CMYA5: variants seen among roughly 807,000 people sequenced by gnomAD.
CMYA5 encodes the protein cardiomyopathy associated 5, also known as cardiomyopathy-associated protein 5.
In CMYA5, 246 loss-of-function variants were observed where a neutral mutation model predicts 318.9. The ratio of observed to expected loss-of-function variants is 0.77; its 90% confidence interval spans 0.70 to 0.86. The LOEUF is 0.86. Ranked by LOEUF, CMYA5 falls within the 40% of genes least tolerant of loss-of-function variation. The probability of loss-of-function intolerance (pLI) is 0.00; values close to 1 mark genes in which losing one functional copy is unlikely to be tolerated. For missense variants in CMYA5, 4,589 were observed against 4,678.2 expected (o/e 0.98, Z 0.56); for synonymous variants, 1,641 against 1,729.5 (o/e 0.95, Z 1.27).
At chr5:79,721,623 T>G (rs1055315291) in intron 1 of CMYA5, among the ~76,000 whole-genome samples, 1 of 152,194 alleles carries the variant, frequency 6.6e-6, no homozygotes, top group African/African-American at 2.4e-5. Context: ...TATATATGGA[T>G]GGATAATGCA....
intron 10 of CMYA5, among the ~76,000 whole-genome samples, chr5:79,789,658 C>T (rs1829141138): frequency 6.6e-6 from 1 of 152,050 alleles, no homozygotes; most frequent in African/African-American, 2.4e-5. Flanking sequence ...GTCCTGACCT[C>T]AGGTGATCTG....
At chr5:79,718,334 A>G (rs1168344379) in intron 1 of CMYA5, among the ~76,000 whole-genome samples, 3 of 152,188 alleles carry the variant, frequency 2.0e-5, no homozygotes, top group Non-Finnish European at 4.4e-5. Flanking sequence ...TAAAAGACTC[A>G]TATAAAACAC....
At chr5:79,775,107 G>T (rs555122071) in intron 9 of CMYA5, among the ~76,000 whole-genome samples, 2 of 152,318 alleles carry the variant, frequency 1.3e-5, no homozygotes, top group East Asian at 3.9e-4. Context: ...ATCTGTATGT[G>T]AAATTGTTTT....
At position 79,736,055 on chromosome 5, in the gene CMYA5, G is replaced by A; in HGVS notation, c.7290G>A (p.Lys2430=). 1 of 1,612,104 alleles carries A rather than the reference G, an allele frequency of 6.2e-7. No individual in the cohort carries two copies. The highest frequency in any genetic ancestry group is 8.5e-7 in the Non-Finnish European group (1 of 1,179,430). The change falls in exon 2 of 13, where the codon AAG becomes AAA. Residue 2430 remains lysine (K), a synonymous_variant. Transcript: ENST00000446378. ...SLIDFSEDRL[K]KEMQNPTSLK... ...TTGATTTCAGTGAAGACAGACTCAA[G>A]AAAGAAATGCAAAATCCTACTTCCT... is the stretch of plus-strand genomic sequence containing the variant.
Position 79,730,763 on chromosome 5 carries a change from T to A in CMYA5, c.1998T>A (p.Ser666=), listed in dbSNP as rs763832790. The A allele has an allele frequency of 1.2e-5, 20 of 1,613,174 alleles. No homozygotes were observed. The highest frequency in any genetic ancestry group is 1.6e-4 in the Middle Eastern group (1 of 6,080). Residue 666 remains serine (S), a synonymous_variant, in exon 2 of 13, where the codon TCT becomes TCA. Coordinates refer to ENST00000446378, the MANE Select transcript of CMYA5 (RefSeq NM_153610.5). The stretch of plus-strand genomic sequence containing the variant: ...CTGAGAAGACTTCAGAGAACCAGTC[T>A]CCACTGTTTTCAACAGTTACACCAG... ...STTEKTSENQ[S]PLFSTVTPEY...
At chr5:79,710,712 T>C (rs1289625332) in intron 1 of CMYA5, among the ~76,000 whole-genome samples, 1 of 152,182 alleles carries the variant, frequency 6.6e-6, no homozygotes, top group Non-Finnish European at 1.5e-5. Context: ...ATTTTTTATT[T>C]TTACAGGTAG....
chr5:79,742,928 A>T (rs569951466), intron 2 of CMYA5, among the ~76,000 whole-genome samples: 47 of 152,182 alleles, frequency 3.1e-4, no homozygotes, highest in Non-Finnish European at 2.5e-4. Flanking sequence ...TTTAAATGAG[A>T]TAGAGCTCTT....
At chr5:79,739,960 G>T (rs1828177897) in intron 2 of CMYA5, among the ~76,000 whole-genome samples, 1 of 151,736 alleles carries the variant, frequency 6.6e-6, no homozygotes, top group Non-Finnish European at 1.5e-5. Context: ...TCCACTCTAG[G>T]TGACAGAGTG....
intron 1 of CMYA5, among the ~76,000 whole-genome samples, chr5:79,698,492 T>A (rs1022606720): frequency 2.6e-5 from 4 of 152,176 alleles, no homozygotes; most frequent in Admixed American, 6.6e-5. Context: ...CTCAAGCCAC[T>A]GTGCCATTTT....
At chr5:79,714,431 CTTTTTTT>C (rs71615553) in intron 1 of CMYA5, among the ~76,000 whole-genome samples, 8 of 100,678 alleles carry the variant, frequency 7.9e-5, no homozygotes, top group South Asian at 3.3e-4. Flanking sequence ...TTTTCTTTTT[CTTTTTTT>C]TTTTTTTTTT....
chr5:79,752,862 A>ATC, intron 6 of CMYA5, 68 bp downstream of exon 6: 1 of 1,081,410 alleles, frequency 9.2e-7, no homozygotes, highest in Non-Finnish European at 1.4e-6. Flanking sequence ...TTTTGTATGT[A>ATC]ATGATATATA....
At chr5:79,727,921 C>A (rs1267097629) in intron 1 of CMYA5, among the ~76,000 whole-genome samples, 1 of 152,204 alleles carries the variant, frequency 6.6e-6, no homozygotes, top group Non-Finnish European at 1.5e-5. Flanking sequence ...GTAGCAGCTG[C>A]AAGTGATCAT....
intron 12 of CMYA5, among the ~76,000 whole-genome samples, chr5:79,796,981 T>C (rs755771773): frequency 2.0e-5 from 3 of 152,218 alleles, no homozygotes; most frequent in Non-Finnish European, 4.4e-5. Context: ...TTTATTCAAA[T>C]GTAAGAATAC....
At chr5:79,695,350 A>AT (rs1827047464) in intron 1 of CMYA5, among the ~76,000 whole-genome samples, 1 of 152,242 alleles carries the variant, frequency 6.6e-6, no homozygotes, top group Admixed American at 6.5e-5. Context: ...AGTGACATGA[A>AT]TTTTAGTAAT....
intron 1 of CMYA5, among the ~76,000 whole-genome samples, chr5:79,713,970 A>G (rs1019799983): frequency 1.1e-4 from 16 of 152,190 alleles, no homozygotes; most frequent in Non-Finnish European, 1.5e-4. Flanking sequence ...TTGGCTGTTA[A>G]TAACAAGTCT....
At chr5:79,785,477 G>A (rs1329616363) in intron 9 of CMYA5, among the ~76,000 whole-genome samples, 2 of 151,816 alleles carry the variant, frequency 1.3e-5, no homozygotes, top group Non-Finnish European at 2.9e-5. Flanking sequence ...TCCCTCAGTA[G>A]CATCTTAAAA....
intron 9 of CMYA5, among the ~76,000 whole-genome samples, chr5:79,788,124 C>T (rs1423981071): frequency 6.6e-6 from 1 of 152,116 alleles, no homozygotes; most frequent in Non-Finnish European, 1.5e-5. Context: ...CTCTCCAGCA[C>T]CCAGGTTAGG....
chr5:79,730,327 C>T lies in CMYA5; in HGVS notation c.1562C>T (p.Pro521Leu), dbSNP rs539868959. Residue 521 changes from proline (P) to leucine (L), a missense_variant, in exon 2 of 13, where the codon CCT (proline) becomes CTT (leucine). Pro to Leu is a moderately conservative substitution (Grantham distance 98, BLOSUM62 -3). This residue lies in a region of CMYA5 where 2,132 missense variants were observed against 2,131.3 expected (regional missense o/e 1.00). Transcript: ENST00000446378. The stretch of plus-strand genomic sequence containing the variant: ...CTACCCATAGCTATTACCCCTGAAC[C>T]TGAAGATTCTAATTTAGTAGAAGAA... The part of the protein sequence containing the change: ...TSLPIAITPE[P>L]EDSNLVEEEI... 3.7e-6 allele frequency: 6 copies of T among 1,613,586 alleles called. No individual in the cohort carries two copies. The highest frequency in any genetic ancestry group is 2.2e-5 in the East Asian group (1 of 44,874).
chr5:79,778,811 C>CTGTGTGTGTG (rs35461782), intron 9 of CMYA5, among the ~76,000 whole-genome samples: 2 of 85,014 alleles, frequency 2.4e-5, no homozygotes, highest in South Asian at 4.7e-4. Flanking sequence ...CTCTCTCTTT[C>CTGTGTGTGTG]TGTGTGTGTG....
Sources: allele counts gnomAD v4.1 joint callset (sites outside exome capture counted in the v4.1 genomes callset), GRCh38; gene constraint gnomAD v4.1.1; regional missense constraint gnomAD v4.1.1; transcripts MANE v1.5; gene names NCBI Gene and HGNC (gene_info 2026-07-23, HGNC 2026-07-21).